The following SLC9A9 variants were observed in gnomAD, a reference collection of about 807,000 sequenced individuals.
SLC9A9 encodes sodium/hydrogen exchanger 9.
SLC9A9 carries 62 observed loss-of-function variants against 77.8 expected under a neutral mutation model. The observed-to-expected ratio is 0.80, with a 90% CI of 0.65 to 0.98. The LOEUF is 0.98. Ranked by LOEUF, SLC9A9 falls within the 50% of genes least tolerant of loss-of-function variation. The pLI is 0.00. For missense variants in SLC9A9, 775 were observed against 774.9 expected, an observed-to-expected ratio of 1.00 and a Z score of 0.00; for synonymous variants, 320 against 283.5, an observed-to-expected ratio of 1.13 and a Z score of -1.29.
chr3:143,558,655 T>A (rs964171148), intron 8 of SLC9A9, among the ~76,000 whole-genome samples: 2 of 152,170 alleles, frequency 1.3e-5, no homozygotes, highest in Non-Finnish European at 2.9e-5. Flanking sequence ...CTATTTGGAA[T>A]GCAATGCCTG....
intron 4 of SLC9A9, among the ~76,000 whole-genome samples, chr3:143,775,192 T>A (rs1014031044): frequency 6.6e-6 from 1 of 152,058 alleles, no homozygotes; most frequent in Non-Finnish European, 1.5e-5. Context: ...AAACCTTAAA[T>A]TAACAGAAAA....
At chr3:143,272,138 G>C (rs780957817) in intron 14 of SLC9A9, among the ~76,000 whole-genome samples, 31 of 152,146 alleles carry the variant, frequency 2.0e-4, no homozygotes, top group Non-Finnish European at 4.0e-4. Flanking sequence ...CTTAGGAAGA[G>C]TGGTAGTGGC....
At position 143,822,499 on chromosome 3, in the gene SLC9A9, C is replaced by G. The variant is rs554157246; in HGVS notation, c.378+9520G>C. Among the ~76,000 whole-genome samples the G allele has an allele frequency of 9.2e-5, 14 of 152,266 alleles. No individual in the cohort carries two copies. The East Asian group carries it at 2.7e-3, about 29-fold the overall frequency. The stretch of plus-strand genomic sequence containing the variant: ...CATAACTCCAGGCAAGCTTAAAAGG[C>G]AACAAGAGACAACCAGCTGAATGTG... On this transcript the variant is annotated intron_variant, in intron 2 of 15. Transcript: ENST00000316549.
intron 4 of SLC9A9, among the ~76,000 whole-genome samples, chr3:143,734,606 C>G (rs1934892526): frequency 6.6e-6 from 1 of 151,804 alleles, no homozygotes; most frequent in East Asian, 1.9e-4. Flanking sequence ...TTGTGGCAAG[C>G]ACCTGTAGTC....
intron 14 of SLC9A9, among the ~76,000 whole-genome samples, chr3:143,337,027 G>A (rs994470434): frequency 2.0e-5 from 3 of 152,042 alleles, no homozygotes; most frequent in Non-Finnish European, 1.5e-5. Flanking sequence ...CCTTTTATTT[G>A]TAAAACTCCA....
chr3:143,374,416 C>A (rs1344938230), intron 13 of SLC9A9, among the ~76,000 whole-genome samples: 4 of 99,634 alleles, frequency 4.0e-5, no homozygotes, highest in Non-Finnish European at 7.1e-5. Flanking sequence ...CAGCGAGACT[C>A]TGTCTCAAAA....
At chr3:143,589,240 C>T (rs940922575) in intron 6 of SLC9A9, among the ~76,000 whole-genome samples, 26 of 152,102 alleles carry the variant, frequency 1.7e-4, no homozygotes, top group African/African-American at 6.0e-4. Flanking sequence ...AAAGTAAACC[C>T]CAAAGAAGGT....
intron 11 of SLC9A9, among the ~76,000 whole-genome samples, chr3:143,482,724 G>A (rs1241695361): frequency 1.3e-5 from 2 of 152,190 alleles, no homozygotes; most frequent in Admixed American, 6.5e-5. Flanking sequence ...AAAAATTGCA[G>A]CACATAGATT....
At chr3:143,673,607 C>G (rs921755340) in intron 5 of SLC9A9, among the ~76,000 whole-genome samples, 3 of 151,710 alleles carry the variant, frequency 2.0e-5, no homozygotes, top group Non-Finnish European at 2.9e-5. Context: ...GCCAGCAAGA[C>G]CATACTTATT....
At chr3:143,381,348 C>T (rs1045760537) in intron 13 of SLC9A9, 1 of 152,530 alleles carries the variant, frequency 6.6e-6, no homozygotes, top group Non-Finnish European at 1.5e-5. Flanking sequence ...AGTTTCCCTG[C>T]ACAAGCTCTC....
chr3:143,334,269 C>T (rs547302179), intron 14 of SLC9A9, among the ~76,000 whole-genome samples: 1 of 152,306 alleles, frequency 6.6e-6, no homozygotes, highest in Admixed American at 6.5e-5. Flanking sequence ...GGTGCTCAGT[C>T]ATGGCCAGTG....
chr3:143,758,332 ATTAC>A (rs1170700389), intron 4 of SLC9A9, among the ~76,000 whole-genome samples: 1 of 152,206 alleles, frequency 6.6e-6, no homozygotes, highest in African/African-American at 2.4e-5. Context: ...AGCAATAGCA[ATTAC>A]TTTAGAATGA....
At chr3:143,370,614 AT>A (rs1306922605) in intron 13 of SLC9A9, among the ~76,000 whole-genome samples, 1 of 138,358 alleles carries the variant, frequency 7.2e-6, no homozygotes, top group Non-Finnish European at 1.6e-5. Context: ...CTAACAAATA[AT>A]TTTCCTGGAA....
At chr3:143,622,241 T>C (rs1317038129) in intron 6 of SLC9A9, among the ~76,000 whole-genome samples, 8 of 152,068 alleles carry the variant, frequency 5.3e-5, no homozygotes, top group Non-Finnish European at 1.0e-4. Flanking sequence ...CAGGCCAACA[T>C]TCAAATTCAG....
chr3:143,485,900 G>C (rs908341944), intron 11 of SLC9A9, among the ~76,000 whole-genome samples: 1 of 151,836 alleles, frequency 6.6e-6, no homozygotes, highest in Non-Finnish European at 1.5e-5. Context: ...GAACAAAAAG[G>C]AAATACCAAT....
intron 6 of SLC9A9, chr3:143,627,417 C>A: frequency 4.5e-6 from 1 of 223,430 alleles, no homozygotes; most frequent in Admixed American, 4.2e-5. Context: ...GAATGTTCCT[C>A]AGCCACCACC....
chr3:143,402,835 T>C (rs2033894693), intron 12 of SLC9A9, among the ~76,000 whole-genome samples: 1 of 149,072 alleles, frequency 6.7e-6, no homozygotes, highest in African/African-American at 2.5e-5. Flanking sequence ...TCACATTTAA[T>C]GTTATTGATA....
At chr3:143,696,723 G>C (rs950231902) in intron 4 of SLC9A9, among the ~76,000 whole-genome samples, 2 of 152,012 alleles carry the variant, frequency 1.3e-5, no homozygotes, top group African/African-American at 4.8e-5. Context: ...TGCAAGTTAG[G>C]AATCTGAGGC....
intron 6 of SLC9A9, chr3:143,626,725 C>T (rs1478223656): frequency 1.3e-5 from 2 of 151,896 alleles, no homozygotes. Flanking sequence ...ATGTAACTAA[C>T]CTGGACGTTG....
Sources: gnomAD v4.1 joint callset for allele counts (sites outside exome capture counted in the v4.1 genomes callset) on GRCh38, gnomAD v4.1.1 for gene constraint, MANE v1.5 for transcripts, NCBI Gene and HGNC (gene_info 2026-07-23, HGNC 2026-07-21) for gene names.